The following RHBDF2 variants were observed in gnomAD, a reference collection of about 807,000 sequenced individuals.
RHBDF2 encodes rhomboid 5 homolog 2, also known as inactive rhomboid protein 2.
In RHBDF2, 38 loss-of-function variants were observed where a neutral mutation model predicts 95.2. The ratio of observed to expected loss-of-function variants is 0.40; its 90% CI spans 0.31 to 0.52. The LOEUF (loss-of-function observed/expected upper bound fraction) is 0.52, where lower values mean the gene tolerates loss of function less well. Ranked by LOEUF, RHBDF2 falls within the 20% of genes least tolerant of loss-of-function variation. The probability of loss-of-function intolerance (pLI) is 0.56; values close to 1 mark genes in which losing one functional copy is unlikely to be tolerated. For missense variants in RHBDF2, 863 were observed against 1,137.7 expected (o/e 0.76, Z 3.47); for synonymous variants, 442 against 462.0 (o/e 0.96, Z 0.55).
intron 1 of RHBDF2, among the ~76,000 whole-genome samples, chr17:76,496,503 G>A (rs2074429380): frequency 6.6e-6 from 1 of 152,240 alleles, no homozygotes; most frequent in Non-Finnish European, 1.5e-5. Context: ...GAGTGTTTGG[G>A]GTGCTGGAGT....
chr17:76,477,355 C>G lies in RHBDF2; in HGVS notation c.802-57G>C, dbSNP rs568428377. 1.2e-4 allele frequency: 185 copies of G among 1,569,184 alleles called. 4 individuals carry two copies. In the South Asian group the frequency reaches 2.1e-3, roughly 18 times the overall value. ...GGAGTCTGTCCCAAACACTGCCCCC[C>G]GGAACCTCAATTCAAGGGCAGGACA... On this transcript the variant is annotated intron_variant, in intron 7 of 18. Transcript: ENST00000675367.
chr17:76,474,957 G>A, intron 10 of RHBDF2, 73 bp downstream of exon 10: 51 of 1,460,760 alleles, frequency 3.5e-5, no homozygotes, highest in South Asian at 4.9e-5. Flanking sequence ...CGGTGGGAGG[G>A]ATTAGGTACC....
chr17:76,496,127 T>G (rs972290106), intron 1 of RHBDF2, among the ~76,000 whole-genome samples: 2 of 152,172 alleles, frequency 1.3e-5, no homozygotes, highest in Non-Finnish European at 2.9e-5. Flanking sequence ...CCTCCTCTGC[T>G]GTGAGATGGG....
At chr17:76,489,622 C>T (rs550492265) in intron 1 of RHBDF2, among the ~76,000 whole-genome samples, 1 of 152,206 alleles carries the variant, frequency 6.6e-6, no homozygotes, top group Non-Finnish European at 1.5e-5. Flanking sequence ...CGCGCCCAGC[C>T]GCCTGTTTGT....
At chr17:76,472,125 AT>A in intron 18 of RHBDF2, 73 bp from the exon 19 acceptor site, 2 of 1,388,918 alleles carry the variant, frequency 1.4e-6, no homozygotes, top group Non-Finnish European at 1.9e-6. Flanking sequence ...ACCCTGGGTC[AT>A]CCCATCGATC....
rs189169047 is a variant in RHBDF2 at position 76,483,567 on chromosome 17, C to A, written c.-21-2022G>T. Among the ~76,000 whole-genome samples, 620 of 152,240 alleles carry A rather than the reference C, an allele frequency of 4.1e-3. 1 individual carries two copies. The highest frequency in any genetic ancestry group is 0.014 in the African/African-American group (581 of 41,540). ...CCCAAAGTGCTGGGATTACAGGTTT[C>A]AGCCACCACACCCGGCCCTAGGCCT... On this transcript the variant is annotated intron_variant, in intron 2 of 18. Transcript: ENST00000675367.
chr17:76,487,205 C>A (rs139090486), intron 2 of RHBDF2, among the ~76,000 whole-genome samples: 5 of 151,630 alleles, frequency 3.3e-5, no homozygotes, highest in Middle Eastern at 3.4e-3. Context: ...CCCGCCTTGG[C>A]CTCCCAAAGT....
intron 18 of RHBDF2, 117 bp downstream of exon 18, chr17:76,472,569 G>C (rs779507861): frequency 7.5e-7 from 1 of 1,333,188 alleles, no homozygotes; most frequent in South Asian, 1.2e-5. Flanking sequence ...TCCCTCCGCT[G>C]TGGAGCCCAG....
intron 11 of RHBDF2, 49 bp from the exon 12 acceptor site, chr17:76,474,583 G>A (rs2073704002): frequency 1.2e-6 from 2 of 1,611,518 alleles, no homozygotes; most frequent in Admixed American, 1.7e-5. Flanking sequence ...CCCCAGACCT[G>A]GGAGGGGTCC....
In RHBDF2 at chr17:76,481,456, C is replaced by A; in HGVS notation, c.69G>T (p.Lys23Asn). The change falls in exon 3 of 19, where the codon AAG becomes AAT. Residue 23 changes from lysine to asparagine, a missense_variant. Lys to Asn is a moderately conservative substitution (Grantham distance 94). Around this residue, in one of 2 missense-constraint regions of RHBDF2, gnomAD observed 611 missense variants for 725.5 expected, o/e 0.84. Coordinates refer to ENST00000675367, the MANE Select transcript of RHBDF2 (RefSeq NM_001005498.4). ...SVSSSRLQSR[K>N]PPNLSITIPP... ...GGATGGTGATGGAGAGGTTGGGTGG[C>A]TTCCGGCTCTGCAGGCGGCTGCTGG... 6.2e-7 allele frequency: 1 copy of A among 1,612,738 alleles called. No homozygotes were observed. The highest frequency in any genetic ancestry group is 8.5e-7 in the Non-Finnish European group (1 of 1,180,002).
intron 10 of RHBDF2, 78 bp downstream of exon 10, chr17:76,474,952 G>A (rs1462774864): frequency 1.4e-6 from 2 of 1,454,824 alleles, no homozygotes; most frequent in South Asian, 1.2e-5. Flanking sequence ...TGTTGCGGTG[G>A]GAGGGATTAG....
chr17:76,477,289 T>A lies in RHBDF2; in HGVS notation c.811A>T (p.Ser271Cys), dbSNP rs749809338. 3.7e-6 allele frequency: 6 copies of A among 1,611,418 alleles called. No individual in the cohort carries two copies. The East Asian group carries it at 1.3e-4, about 36-fold the overall frequency. ...DSSFFSKEEMSSMPDDVFESP... is the reference protein window; with the variant it reads ...DSSFFSKEEMCSMPDDVFESP... ...TCAAAGACATCATCAGGCATGGAGCTCATTTCTTCCTGGGGTGGGGGACAA... is the reference window on the plus strand; with the variant it reads ...TCAAAGACATCATCAGGCATGGAGCACATTTCTTCCTGGGGTGGGGGACAA... Residue 271 changes from serine (S) to cysteine (C), a missense_variant, in exon 8 of 19, where the codon AGC (serine) becomes TGC (cysteine). Coordinates refer to ENST00000675367, the MANE Select transcript of RHBDF2 (RefSeq NM_001005498.4).
rs777815835 is a variant in RHBDF2, at chr17:76,472,071, G to C, written c.2065-19C>G. The stretch of plus-strand genomic sequence containing the variant: ...GGCCCACCTGGGGCGGGGCAGGGGA[G>C]ACGTGGCTTCAGGCATCAGGTGGGT... On this transcript the variant is annotated intron_variant, in intron 18 of 18. Coordinates refer to ENST00000675367, the MANE Select transcript of RHBDF2 (RefSeq NM_001005498.4). The C allele has an allele frequency of 1.9e-6, 3 of 1,538,778 alleles. No individual in the cohort carries two copies. The highest frequency in any genetic ancestry group is 2.6e-6 in the Non-Finnish European group (3 of 1,142,792).
chr17:76,472,958 G>A, intron 17 of RHBDF2, 47 bp downstream of exon 17: 2 of 1,604,450 alleles, frequency 1.2e-6, no homozygotes, highest in South Asian at 1.1e-5. Flanking sequence ...GTCCGGCTGG[G>A]TGGCCATCAC....
chr17:76,493,785 G>A (rs1207060890), intron 1 of RHBDF2, among the ~76,000 whole-genome samples: 3 of 152,254 alleles, frequency 2.0e-5, no homozygotes, highest in Non-Finnish European at 4.4e-5. Context: ...TGCTGATGGA[G>A]AGAAACAAAA....
intron 8 of RHBDF2, 55 bp downstream of exon 8, chr17:76,477,125 G>T (rs1470131361): frequency 6.2e-7 from 1 of 1,610,520 alleles, no homozygotes; most frequent in East Asian, 2.2e-5. Flanking sequence ...TGAGGTCTGG[G>T]GATGCCCCCA....
intron 5 of RHBDF2, 25 bp from the exon 6 acceptor site, chr17:76,479,034 A>T (rs761261055): frequency 8.1e-6 from 13 of 1,609,988 alleles, no homozygotes; most frequent in Non-Finnish European, 1.0e-5. Flanking sequence ...GGCGGTAAGC[A>T]GAGCCATTAG....
rs371128950 is a variant in RHBDF2, at chr17:76,479,722, G to C, written c.272+11C>G. On this transcript the variant is annotated intron_variant, in intron 4 of 18. Coordinates refer to ENST00000675367, the MANE Select transcript of RHBDF2 (RefSeq NM_001005498.4). ...GTGGGGGGTGCTGGGCTTGGGTGTA[G>C]GGGGGCTCACTTGCGGATGCTCTGG... The C allele has an allele frequency of 6.2e-7, 1 of 1,600,172 alleles. No individual in the cohort carries two copies. Among genetic ancestry groups the C allele is most frequent in the African/African-American group, 1.3e-5 (1 of 74,736 alleles).
chr17:76,477,006 G>A lies in RHBDF2; in HGVS notation c.939C>T (p.Ala313=). The A allele has an allele frequency of 6.2e-7, 1 of 1,613,808 alleles. No individual in the cohort carries two copies. The highest frequency in any genetic ancestry group is 8.5e-7 in the Non-Finnish European group (1 of 1,180,030). The change falls in exon 9 of 19, where the codon GCC becomes GCT. Residue 313 remains alanine, a synonymous_variant. Coordinates refer to ENST00000675367, the MANE Select transcript of RHBDF2 (RefSeq NM_001005498.4). ...TGCCGCGCCGGGGCCCGGGGACTGG[G>A]GCTCGGCCATACTCCTTCCTGGTGG... is the stretch of plus-strand genomic sequence containing the variant. The part of the protein sequence containing the change: ...VQIPLKEYGR[A]PVPGPRRGKR...
Sources: gnomAD v4.1 joint callset for allele counts (sites outside exome capture counted in the v4.1 genomes callset) on GRCh38, gnomAD v4.1.1 for gene constraint, gnomAD v4.1.1 regional missense constraint, MANE v1.5 for transcripts, NCBI Gene and HGNC (gene_info 2026-07-23, HGNC 2026-07-21) for gene names.